The following ANKFN1 variants were observed in gnomAD, a reference collection of about 807,000 sequenced individuals.
ANKFN1 encodes ankyrin repeat and fibronectin type-III domain-containing protein 1.
In ANKFN1, 74 loss-of-function variants were observed where a neutral mutation model predicts 108.7. That is an observed-to-expected ratio of 0.68 (90% CI 0.56 to 0.83). ANKFN1 has a LOEUF of 0.83. Ranked by LOEUF, ANKFN1 falls within the 40% of genes least tolerant of loss-of-function variation. The pLI is 0.00. For synonymous variants in ANKFN1, 547 were observed against 516.2 expected, an observed-to-expected ratio of 1.06 and a Z score of -0.81; for missense variants, 1,505 against 1,382.3, an observed-to-expected ratio of 1.09 and a Z score of -1.41.
intron 6 of ANKFN1, among the ~76,000 whole-genome samples, chr17:56,363,257 C>G (rs576684362): frequency 1.1e-4 from 17 of 151,980 alleles, no homozygotes; most frequent in African/African-American, 3.9e-4. Context: ...AAGCAAGGAA[C>G]CTGAATAGGG....
chr17:56,243,706 C>T (rs1012471685), intron 3 of ANKFN1, among the ~76,000 whole-genome samples: 3 of 152,102 alleles, frequency 2.0e-5, no homozygotes, highest in African/African-American at 7.2e-5. Context: ...CACCCCCATC[C>T]CATCCCCTGT....
At chr17:56,144,829 A>T (rs1426562639) in intron 4 of ANKFN1, among the ~76,000 whole-genome samples, 1 of 152,150 alleles carries the variant, frequency 6.6e-6, no homozygotes, top group African/African-American at 2.4e-5. Flanking sequence ...AGACCCAGGG[A>T]CCACTGCCCT....
intron 19 of ANKFN1, among the ~76,000 whole-genome samples, chr17:56,496,955 G>C (rs989227355): frequency 1.3e-5 from 2 of 151,940 alleles, no homozygotes; most frequent in Admixed American, 6.6e-5. Flanking sequence ...TTTGTGGGTA[G>C]AGATCTAAAG....
chr17:56,046,089 A>G (rs7216955), exon 4 of ANKFN1: 58,095 of 152,062 alleles, frequency 0.38, 14,277 homozygotes, highest in African/African-American at 0.71. Context: ...GCCGGTGGAA[A>G]CTAACAGCCC....
chr17:56,173,275 C>T (rs1910843240), intron 1 of ANKFN1, among the ~76,000 whole-genome samples: 1 of 152,174 alleles, frequency 6.6e-6, no homozygotes, highest in Non-Finnish European at 1.5e-5. Flanking sequence ...CACACTCCTG[C>T]CTTCACCCTT....
At chr17:56,055,490 A>G (rs12944943) in intron 4 of ANKFN1, among the ~76,000 whole-genome samples, 3 of 140,328 alleles carry the variant, frequency 2.1e-5, no homozygotes, top group African/African-American at 5.4e-5. Context: ...GTATATATAT[A>G]TGTGTGTGTG....
At chr17:56,229,285 G>A (rs1249951159) in intron 3 of ANKFN1, among the ~76,000 whole-genome samples, 2 of 152,090 alleles carry the variant, frequency 1.3e-5, no homozygotes, top group Non-Finnish European at 1.5e-5. Context: ...AGAAAGTCAC[G>A]TTAGATTTTA....
intron 1 of ANKFN1, among the ~76,000 whole-genome samples, chr17:56,194,823 C>A (rs1020900511): frequency 1.3e-5 from 2 of 152,168 alleles, no homozygotes; most frequent in Admixed American, 1.3e-4. Context: ...GGTGTGTGGG[C>A]AGAGGATATT....
rs78460393 is a variant in ANKFN1 at position 56,465,331 on chromosome 17, T to C, written c.1558-1025T>C. Among the ~76,000 whole-genome samples, 271 of 152,344 alleles carry C rather than the reference T, an allele frequency of 1.8e-3. 4 individuals carry two copies. The highest frequency in any genetic ancestry group is 0.011 in the East Asian group (55 of 5,186). Reference sequence around the variant, plus strand: ...CCTTATTTGTCCTATGTCTGGTCTTTGTAAGGAAGAAGATAAGGTTTCGGC... The same window carrying C: ...CCTTATTTGTCCTATGTCTGGTCTTCGTAAGGAAGAAGATAAGGTTTCGGC... On this transcript the variant is annotated intron_variant, in intron 14 of 20. Coordinates refer to ENST00000682825, the MANE Select transcript of ANKFN1 (RefSeq NM_001370326.1).
At chr17:56,176,193 A>G (rs998287968) in intron 1 of ANKFN1, among the ~76,000 whole-genome samples, 23 of 152,016 alleles carry the variant, frequency 1.5e-4, no homozygotes, top group Admixed American at 3.3e-4. Flanking sequence ...AGGAGGGGTT[A>G]AAGAGGCTAG....
At chr17:56,165,628 C>G (rs1598165999) in intron 1 of ANKFN1, among the ~76,000 whole-genome samples, 2 of 152,024 alleles carry the variant, frequency 1.3e-5, no homozygotes, top group Non-Finnish European at 2.9e-5. Flanking sequence ...ATAGACCAAA[C>G]GTTCAGATGT....
chr17:56,159,573 C>A (rs144043917), intron 1 of ANKFN1, among the ~76,000 whole-genome samples: 1 of 152,160 alleles, frequency 6.6e-6, no homozygotes, highest in East Asian at 1.9e-4. Context: ...GTAATAACTG[C>A]TAAGTGTTTT....
chr17:56,270,813 G>A (rs1224207787), intron 3 of ANKFN1, among the ~76,000 whole-genome samples: 1 of 152,028 alleles, frequency 6.6e-6, no homozygotes, highest in African/African-American at 2.4e-5. Flanking sequence ...AGCCTGTAAT[G>A]TTCTTTTTCC....
At chr17:56,073,027 C>A (rs533356699) in intron 4 of ANKFN1, among the ~76,000 whole-genome samples, 1 of 151,534 alleles carries the variant, frequency 6.6e-6, no homozygotes, top group East Asian at 1.9e-4. Context: ...GAGTCTCGCT[C>A]TGTCGCCCAG....
At position 56,405,924 on chromosome 17, in the gene ANKFN1, T is replaced by A. The variant is rs369138724; in HGVS notation, c.910+31210T>A. On this transcript the variant is annotated intron_variant, in intron 8 of 20. Transcript: ENST00000682825. ...GATATCTATGGTGGGAGGGAAAATCTAAGAACTGGGAAGATGGTAAATAAG... is the reference window on the plus strand; with the variant it reads ...GATATCTATGGTGGGAGGGAAAATCAAAGAACTGGGAAGATGGTAAATAAG... 5.9e-5 allele frequency among the ~76,000 whole-genome samples: 9 copies of A among 152,272 alleles called. No individual in the cohort carries two copies. In the East Asian group the frequency reaches 7.7e-4, roughly 13 times the overall value.
intron 8 of ANKFN1, among the ~76,000 whole-genome samples, chr17:56,385,657 G>A (rs571513613): frequency 1.8e-4 from 28 of 152,216 alleles, no homozygotes; most frequent in African/African-American, 5.5e-4. Flanking sequence ...AAAAGTGTGC[G>A]AAGGACATGA....
At chr17:56,174,811 C>A (rs1281119290) in intron 1 of ANKFN1, among the ~76,000 whole-genome samples, 1 of 152,218 alleles carries the variant, frequency 6.6e-6, no homozygotes, top group Non-Finnish European at 1.5e-5. Context: ...TCCCCTCCCC[C>A]AGACTGAATG....
chr17:56,167,991 G>A (rs1172416964), intron 1 of ANKFN1, among the ~76,000 whole-genome samples: 1 of 152,162 alleles, frequency 6.6e-6, no homozygotes, highest in African/African-American at 2.4e-5. Context: ...GAATAGGCAG[G>A]CGTGGTGGCT....
At chr17:56,412,904 A>T (rs936299429) in intron 8 of ANKFN1, among the ~76,000 whole-genome samples, 6 of 151,572 alleles carry the variant, frequency 4.0e-5, no homozygotes, top group African/African-American at 1.5e-4. Context: ...CAGTGTCTTT[A>T]CTCCTTTTTT....
Sources: gnomAD v4.1 joint callset for allele counts (sites outside exome capture counted in the v4.1 genomes callset) on GRCh38, gnomAD v4.1.1 for gene constraint, MANE v1.5 for transcripts, NCBI Gene and HGNC (gene_info 2026-07-23, HGNC 2026-07-21) for gene names.